The following ADGRL3 variants were observed in gnomAD, a reference collection of about 807,000 sequenced individuals.
ADGRL3 encodes the protein adhesion G protein-coupled receptor L3.
A neutral mutation model predicts 153.5 loss-of-function variants in ADGRL3; 62 were observed. The observed-to-expected ratio is 0.40, with a 90% CI of 0.33 to 0.50. ADGRL3 has a LOEUF of 0.50. Ranked by LOEUF, ADGRL3 falls within the 20% of genes least tolerant of loss-of-function variation. The pLI is 0.47. For missense variants in ADGRL3, 1,641 were observed against 1,859.4 expected, an observed-to-expected ratio of 0.88 and a Z score of 2.16; for synonymous variants, 710 against 672.5, an observed-to-expected ratio of 1.06 and a Z score of -0.86.
At chr4:61,503,240 A>G (rs1366796486) in intron 3 of ADGRL3, among the ~76,000 whole-genome samples, 1 of 152,156 alleles carries the variant, frequency 6.6e-6, no homozygotes. Flanking sequence ...TGTACTTGCA[A>G]AAGGTGTTAC....
rs11289224 is a variant in ADGRL3, at chr4:61,720,089, CTT to C, written c.584-10518_584-10517del. 6.7e-3 allele frequency among the ~76,000 whole-genome samples: 925 copies of C among 138,198 alleles called. 7 individuals are homozygous for C. Among genetic ancestry groups the C allele is most frequent in the Non-Finnish European group, 7.0e-3 (453 of 64,384 alleles). The allele number at this position is 138,198 out of a possible 152,430, so 90.7% of individuals were successfully genotyped here. ...TTCTTTAGCAAAACTCAGAGTGATA[CTT>C]TTTTTTTTTTTTTTCTGAGACAGAG... On this transcript the variant is annotated intron_variant, in intron 6 of 26. Transcript: ENST00000683033.
intron 4 of ADGRL3, among the ~76,000 whole-genome samples, 155 bp downstream of exon 4, chr4:61,517,673 A>ATT (rs373010574): frequency 5.7e-4 from 85 of 148,370 alleles, no homozygotes; most frequent in African/African-American, 1.9e-3. Flanking sequence ...TATCCTGGCC[A>ATT]TTTTTTTTTT....
chr4:62,052,518 T>C (rs79661602), intron 25 of ADGRL3, among the ~76,000 whole-genome samples: 2,455 of 151,540 alleles, frequency 0.016, 105 homozygotes, highest in East Asian at 0.14. Flanking sequence ...AAGCCACATA[T>C]TACTTTTACA....
rs1022869711 is a variant in ADGRL3 at position 62,019,333 on chromosome 4, G to T, written c.3396-9522G>T. On this transcript the variant is annotated intron_variant, in intron 21 of 26. Coordinates refer to ENST00000683033, the MANE Select transcript of ADGRL3 (RefSeq NM_001387552.1). ...ATGGATAATTGTCATGTAGTCATAT[G>T]CATATATACATATTTTATTAGTTAT... is the stretch of plus-strand genomic sequence containing the variant. 2.0e-5 allele frequency among the ~76,000 whole-genome samples: 3 copies of T among 151,950 alleles called. No homozygotes were observed. In the South Asian group the frequency reaches 6.2e-4, roughly 31 times the overall value.
chr4:61,707,608 C>T (rs866939299), intron 6 of ADGRL3, among the ~76,000 whole-genome samples: 6 of 152,088 alleles, frequency 3.9e-5, no homozygotes, highest in Middle Eastern at 3.4e-3. Context: ...TTTGCTCAAA[C>T]GTGAACATTT....
intron 1 of ADGRL3, among the ~76,000 whole-genome samples, chr4:61,295,492 T>C (rs964673055): frequency 4.6e-5 from 7 of 152,082 alleles, no homozygotes; most frequent in Non-Finnish European, 7.4e-5. Context: ...CCTGTGTATA[T>C]ATAATTAATA....
intron 8 of ADGRL3, among the ~76,000 whole-genome samples, chr4:61,759,228 G>A (rs1261466757): frequency 1.3e-5 from 2 of 152,122 alleles, no homozygotes; most frequent in Non-Finnish European, 2.9e-5. Context: ...TGCCGTGCTA[G>A]GTTGGGGAAG....
chr4:61,310,171 A>G (rs951841808), intron 1 of ADGRL3, among the ~76,000 whole-genome samples: 5 of 151,856 alleles, frequency 3.3e-5, no homozygotes, highest in Admixed American at 3.3e-4. Flanking sequence ...TGTGCAGAAT[A>G]TGAAAGCTCT....
At chr4:61,563,112 A>G (rs2098802339) in intron 4 of ADGRL3, among the ~76,000 whole-genome samples, 1 of 152,178 alleles carries the variant, frequency 6.6e-6, no homozygotes, top group South Asian at 2.1e-4. Context: ...TTTTAAAATA[A>G]TAACACTTGA....
intron 24 of ADGRL3, among the ~76,000 whole-genome samples, chr4:62,044,161 A>G (rs1003562658): frequency 3.9e-5 from 6 of 152,034 alleles, no homozygotes; most frequent in African/African-American, 1.4e-4. Context: ...ATACCTCTGT[A>G]TATATTCAAC....
intron 17 of ADGRL3, among the ~76,000 whole-genome samples, chr4:61,966,313 T>C (rs2099006540): frequency 6.6e-6 from 1 of 152,202 alleles, no homozygotes; most frequent in East Asian, 1.9e-4. Context: ...ATATGGTTTT[T>C]ATAATCTAGA....
At chr4:61,305,336 T>C (rs954468143) in intron 1 of ADGRL3, among the ~76,000 whole-genome samples, 1 of 152,160 alleles carries the variant, frequency 6.6e-6, no homozygotes, top group Non-Finnish European at 1.5e-5. Context: ...ATTATATCAT[T>C]ATAGAAAATT....
chr4:61,402,938 T>C (rs988019291), intron 2 of ADGRL3, among the ~76,000 whole-genome samples: 2 of 152,036 alleles, frequency 1.3e-5, no homozygotes, highest in Non-Finnish European at 2.9e-5. Context: ...TAGTTTATTT[T>C]CCTACATTTC....
intron 2 of ADGRL3, among the ~76,000 whole-genome samples, chr4:61,482,054 G>A (rs993784185): frequency 6.6e-6 from 1 of 152,032 alleles, no homozygotes; most frequent in African/African-American, 2.4e-5. Flanking sequence ...GGAGGTTATC[G>A]GTCAAAACTG....
intron 9 of ADGRL3, among the ~76,000 whole-genome samples, chr4:61,878,622 C>T (rs1393569224): frequency 6.6e-6 from 1 of 152,054 alleles, no homozygotes; most frequent in Non-Finnish European, 1.5e-5. Context: ...TTGTGAGTCC[C>T]AATGTTAATA....
At chr4:61,379,073 T>A (rs1283560033) in intron 1 of ADGRL3, among the ~76,000 whole-genome samples, 1 of 151,884 alleles carries the variant, frequency 6.6e-6, no homozygotes, top group Admixed American at 6.6e-5. Flanking sequence ...GAAATAGAGA[T>A]GAAAAAACAA....
At chr4:61,391,942 C>T (rs1193306396) in intron 2 of ADGRL3, among the ~76,000 whole-genome samples, 1 of 143,612 alleles carries the variant, frequency 7.0e-6, no homozygotes, top group East Asian at 2.1e-4. Flanking sequence ...TCACTGCAAG[C>T]TCCGCCTCCC....
In ADGRL3 at chr4:61,747,035, G is replaced by A. The variant is rs987483518; in HGVS notation, c.1399+13481G>A. Among the ~76,000 whole-genome samples, 26 of 152,156 alleles carry A rather than the reference G, an allele frequency of 1.7e-4. 1 individual carries two copies. Among genetic ancestry groups the A allele is most frequent in the African/African-American group, 4.6e-4 (19 of 41,422 alleles). ...AAATGATAAAGGGGATATCACTGCC[G>A]ATCTCACAGAAATACAAACTACCAT... On this transcript the variant is annotated intron_variant, in intron 8 of 26. Transcript: ENST00000683033.
rs1364075700 is a variant in ADGRL3 at position 61,698,071 on chromosome 4, T to G, written c.583+21136T>G. Among the ~76,000 whole-genome samples the G allele has an allele frequency of 2.0e-5, 3 of 152,238 alleles. No individual in the cohort carries two copies. The East Asian group carries it at 5.8e-4, about 30-fold the overall frequency. ...CATTCTCTGTGGAGATTCTAACTCT[T>G]CCTTTGCGGCACCAATACCAAAACA... On this transcript the variant is annotated intron_variant, in intron 6 of 26. Coordinates refer to ENST00000683033, the MANE Select transcript of ADGRL3 (RefSeq NM_001387552.1).
Sources: allele counts gnomAD v4.1 joint callset (sites outside exome capture counted in the v4.1 genomes callset), GRCh38; gene constraint gnomAD v4.1.1; transcripts MANE v1.5; gene names NCBI Gene and HGNC (gene_info 2026-07-23, HGNC 2026-07-21).